The following SPATA13 variants were observed in gnomAD, a reference collection of about 807,000 sequenced individuals.
SPATA13 encodes the protein spermatogenesis associated 13.
SPATA13 carries 50 observed loss-of-function variants against 104.0 expected under a neutral mutation model. That is an observed-to-expected ratio of 0.48 (90% CI 0.38 to 0.61). SPATA13 has a LOEUF of 0.61. SPATA13 is among the 20% of genes least tolerant of loss of function. The pLI is 0.00. For synonymous variants in SPATA13, 606 were observed against 667.5 expected (o/e 0.91, Z 1.42); for missense variants, 1,524 against 1,690.6 (o/e 0.90, Z 1.73).
At chr13:24,210,896 T>C (rs1870977627) in intron 1 of SPATA13, among the ~76,000 whole-genome samples, 1 of 152,152 alleles carries the variant, frequency 6.6e-6, no homozygotes, top group Non-Finnish European at 1.5e-5. Flanking sequence ...TTCCATTTAT[T>C]TGTGTCTTCT....
chr13:24,123,216 T>C (rs1162954526), intron 3 of SPATA13: 7 of 1,576,184 alleles, frequency 4.4e-6, no homozygotes, highest in East Asian at 4.5e-5. Flanking sequence ...AGCTTTTTCT[T>C]GATTGCTGAT....
At chr13:24,144,499 C>T (rs1881867111) in intron 3 of SPATA13, among the ~76,000 whole-genome samples, 1 of 152,154 alleles carries the variant, frequency 6.6e-6, no homozygotes, top group Non-Finnish European at 1.5e-5. Context: ...GATGGCAAAA[C>T]CCAGCTCTCC....
intron 3 of SPATA13, among the ~76,000 whole-genome samples, chr13:24,030,220 C>T (rs1877420513): frequency 6.6e-6 from 1 of 152,130 alleles, no homozygotes; most frequent in South Asian, 2.1e-4. Flanking sequence ...TTAGGGTTCA[C>T]ACTTGGTGTT....
intron 3 of SPATA13, among the ~76,000 whole-genome samples, chr13:24,039,707 G>T (rs1012361359): frequency 1.3e-5 from 2 of 152,106 alleles, no homozygotes; most frequent in Admixed American, 6.6e-5. Flanking sequence ...CCTTTTGTAA[G>T]TTGCCATTTG....
intron 3 of SPATA13, among the ~76,000 whole-genome samples, chr13:24,062,629 C>T (rs567426458): frequency 3.3e-5 from 5 of 152,182 alleles, no homozygotes; most frequent in East Asian, 1.9e-4. Flanking sequence ...AGTCGGGCTT[C>T]GGTGTGTCTG....
chr13:24,215,844 C>G (rs1871236373), intron 1 of SPATA13, among the ~76,000 whole-genome samples: 1 of 152,154 alleles, frequency 6.6e-6, no homozygotes, highest in African/African-American at 2.4e-5. Flanking sequence ...TAGGGCCATC[C>G]ATCTGGAAAA....
chr13:24,143,273 T>C (rs1223635861), intron 3 of SPATA13, among the ~76,000 whole-genome samples: 1 of 152,180 alleles, frequency 6.6e-6, no homozygotes, highest in African/African-American at 2.4e-5. Context: ...TTAAGGCAAC[T>C]GCAAGTGCCC....
At chr13:24,071,416 T>G (rs1879159492) in intron 3 of SPATA13, among the ~76,000 whole-genome samples, 1 of 152,232 alleles carries the variant, frequency 6.6e-6, no homozygotes, top group Admixed American at 6.5e-5. Context: ...AGAGTGAACC[T>G]TTATCTGCAT....
At chr13:24,178,210 G>A (rs1371013564) in intron 1 of SPATA13, among the ~76,000 whole-genome samples, 1 of 152,098 alleles carries the variant, frequency 6.6e-6, no homozygotes, top group African/African-American at 2.4e-5. Flanking sequence ...ATTTCCAGAA[G>A]GCGCAAACGT....
rs146042136 is a variant in SPATA13 at position 24,124,244 on chromosome 13, T to C, written c.-111-98575T>C. Among the ~76,000 whole-genome samples, 620 of 152,372 alleles carry C rather than the reference T, an allele frequency of 4.1e-3. 2 individuals are homozygous for C. The highest frequency in any genetic ancestry group is 0.01 in the Middle Eastern group (3 of 294). ...TTGTTTGGTGTATTAAAATGTGTTT[T>C]TGTTGTCTTTAGTAGTCTATTGACA... On this transcript the variant is annotated intron_variant, in intron 3 of 14. Transcript: ENST00000424834.
intron 3 of SPATA13, chr13:24,122,741 G>A (rs1881077800): frequency 1.2e-6 from 1 of 857,168 alleles, no homozygotes; most frequent in Non-Finnish European, 2.0e-6. Flanking sequence ...AGTAATCAAA[G>A]CCATCTTGCT....
intron 1 of SPATA13, among the ~76,000 whole-genome samples, chr13:24,178,395 AT>A (rs910742297): frequency 9.9e-5 from 15 of 151,400 alleles, no homozygotes; most frequent in South Asian, 4.2e-4. Flanking sequence ...AGGAACATGC[AT>A]TTTTTTTTAA....
chr13:24,231,575 G>C (rs1249567637), intron 2 of SPATA13, among the ~76,000 whole-genome samples: 1 of 152,188 alleles, frequency 6.6e-6, no homozygotes, highest in Non-Finnish European at 1.5e-5. Context: ...TTACATACAA[G>C]TCCTTGGGTG....
At chr13:24,123,407 GA>G in intron 3 of SPATA13, 1 of 1,293,082 alleles carries the variant, frequency 7.7e-7, no homozygotes, top group Non-Finnish European at 1.1e-6. Flanking sequence ...CACTGCTGAA[GA>G]GGGGGAGTAC....
chr13:24,258,318 G>T (rs1459471979), intron 4 of SPATA13, among the ~76,000 whole-genome samples: 2 of 144,868 alleles, frequency 1.4e-5, no homozygotes, highest in African/African-American at 5.3e-5. Context: ...TGTGAAATTG[G>T]TCCTTGTTTA....
At chr13:24,297,845 C>A in intron 11 of SPATA13, 110 bp downstream of exon 11, 2 of 1,321,280 alleles carry the variant, frequency 1.5e-6, no homozygotes, top group South Asian at 1.5e-5. Context: ...GAGCTGAATC[C>A]CACCATGGGG....
chr13:24,142,473 A>T (rs6490874), intron 3 of SPATA13, among the ~76,000 whole-genome samples: 37,583 of 151,912 alleles, frequency 0.25, 5,702 homozygotes, highest in East Asian at 0.59. Flanking sequence ...TCAGTTTTGG[A>T]TTGTCTGATG....
At chr13:24,260,796 A>G (rs1481355942) in intron 4 of SPATA13, among the ~76,000 whole-genome samples, 1 of 152,250 alleles carries the variant, frequency 6.6e-6, no homozygotes, top group Non-Finnish European at 1.5e-5. Flanking sequence ...TAGCGGATGC[A>G]TATGGGTGTG....
intron 3 of SPATA13, among the ~76,000 whole-genome samples, chr13:24,072,825 C>CTTTTTTTTTTTTTTTT (rs11353469): frequency 2.5e-5 from 3 of 120,672 alleles, no homozygotes; most frequent in East Asian, 2.3e-4. Context: ...CTGTTGGCTC[C>CTTTTTTTTTTTTTTTT]TTTTTTTTTT....
Sources: gnomAD v4.1 joint callset for allele counts (sites outside exome capture counted in the v4.1 genomes callset) on GRCh38, gnomAD v4.1.1 for gene constraint, MANE v1.5 for transcripts, NCBI Gene and HGNC (gene_info 2026-07-23, HGNC 2026-07-21) for gene names.